The following KCNH8 variants were observed in gnomAD, a reference collection of about 807,000 sequenced individuals.
KCNH8 encodes the protein voltage-gated delayed rectifier potassium channel KCNH8.
KCNH8 carries 70 observed loss-of-function variants against 103.6 expected under a neutral mutation model. That is an observed-to-expected ratio of 0.68 (90% CI 0.56 to 0.82). KCNH8 has a LOEUF of 0.82. Among genes scored for constraint, KCNH8 ranks in the 40% least tolerant of loss-of-function variants. The pLI is 0.00. For synonymous variants in KCNH8, 498 were observed against 489.4 expected, an observed-to-expected ratio of 1.02 and a Z score of -0.23; for missense variants, 1,217 against 1,329.9, an observed-to-expected ratio of 0.92 and a Z score of 1.32.
chr3:19,534,314 T>C lies in KCNH8; in HGVS notation c.*215T>C, dbSNP rs2069228700. On this transcript the variant is annotated 3_prime_UTR_variant, in exon 16 of 16. Transcript: ENST00000328405. ...TAATAGAAACATTTTTCTGTACAGG[T>C]ATTAAACTACTGGTCTGTTTGACAG... 1 of 570,910 alleles carries C rather than the reference T, an allele frequency of 1.8e-6. No individual in the cohort carries two copies. The highest frequency in any genetic ancestry group is 2.9e-5 in the East Asian group (1 of 35,060). The allele number at this position is 570,910 out of a possible 1,614,324, so 35.4% of individuals were successfully genotyped here.
At chr3:19,503,461 A>G (rs943758465) in intron 11 of KCNH8, among the ~76,000 whole-genome samples, 2 of 152,186 alleles carry the variant, frequency 1.3e-5, no homozygotes, top group Non-Finnish European at 2.9e-5. Context: ...TCATGCTGCT[A>G]TAAAGACACA....
chr3:19,409,794 T>TTC, intron 7 of KCNH8, among the ~76,000 whole-genome samples: 1 of 152,100 alleles, frequency 6.6e-6, no homozygotes, highest in South Asian at 2.1e-4. Flanking sequence ...TACATAATGA[T>TTC]AAATTGTTCA....
intron 11 of KCNH8, among the ~76,000 whole-genome samples, chr3:19,507,653 G>A (rs928761068): frequency 5.9e-5 from 9 of 152,122 alleles, no homozygotes; most frequent in African/African-American, 2.2e-4. Flanking sequence ...TAGTTGTGTT[G>A]GAGTCCCAGG....
intron 11 of KCNH8, among the ~76,000 whole-genome samples, chr3:19,495,168 T>C (rs1425810888): frequency 6.6e-6 from 1 of 152,318 alleles, no homozygotes; most frequent in East Asian, 1.9e-4. Context: ...ACTCTGCTGA[T>C]AATTTCTTTT....
intron 2 of KCNH8, among the ~76,000 whole-genome samples, chr3:19,259,886 A>G (rs898255735): frequency 2.6e-4 from 39 of 151,896 alleles, no homozygotes; most frequent in East Asian, 1.6e-3. Flanking sequence ...GGGAACCTCT[A>G]TTTACAAGCT....
chr3:19,520,527 T>C (rs1187267558), intron 15 of KCNH8, among the ~76,000 whole-genome samples: 2 of 151,912 alleles, frequency 1.3e-5, no homozygotes, highest in Non-Finnish European at 2.9e-5. Flanking sequence ...ATTTTTCTCT[T>C]CCTCATCTTT....
intron 15 of KCNH8, among the ~76,000 whole-genome samples, chr3:19,532,047 C>T (rs1485872546): frequency 6.6e-6 from 1 of 152,116 alleles, no homozygotes; most frequent in East Asian, 1.9e-4. Context: ...ATATGTTTTC[C>T]TCAATTTGAA....
At chr3:19,352,713 C>A (rs1419836461) in intron 5 of KCNH8, among the ~76,000 whole-genome samples, 1 of 152,144 alleles carries the variant, frequency 6.6e-6, no homozygotes, top group African/African-American at 2.4e-5. Flanking sequence ...ATACCAGAAT[C>A]TCTGGGACAC....
At chr3:19,278,057 C>G (rs1470487304) in intron 2 of KCNH8, among the ~76,000 whole-genome samples, 1 of 152,014 alleles carries the variant, frequency 6.6e-6, no homozygotes, top group Admixed American at 6.6e-5. Context: ...GATCATTGTG[C>G]CCACAGGTAA....
chr3:19,393,469 G>A (rs545602751), intron 6 of KCNH8, among the ~76,000 whole-genome samples: 29 of 152,040 alleles, frequency 1.9e-4, no homozygotes, highest in East Asian at 1.9e-4. Flanking sequence ...TCCCCTTTCC[G>A]GTCAGAGAAA....
intron 11 of KCNH8, among the ~76,000 whole-genome samples, chr3:19,505,117 C>T (rs577577923): frequency 1.3e-5 from 2 of 151,606 alleles, no homozygotes; most frequent in Admixed American, 6.6e-5. Context: ...TGGAATACTA[C>T]ACCGCTGTAA....
intron 11 of KCNH8, among the ~76,000 whole-genome samples, chr3:19,487,556 C>T (rs2068236100): frequency 1.3e-5 from 2 of 152,120 alleles, no homozygotes; most frequent in Admixed American, 6.5e-5. Flanking sequence ...TTGGCTGGGC[C>T]CCAGGCTTAA....
At chr3:19,450,334 G>A in intron 9 of KCNH8, 29 bp downstream of exon 9, 1 of 1,562,944 alleles carries the variant, frequency 6.4e-7, no homozygotes, top group Non-Finnish European at 8.8e-7. Context: ...GTTGTTTTCA[G>A]GCAGAAAGCA....
chr3:19,452,707 A>G (rs1270773199), intron 10 of KCNH8, among the ~76,000 whole-genome samples: 1 of 152,186 alleles, frequency 6.6e-6, no homozygotes, highest in Admixed American at 6.6e-5. Context: ...TTGTATTTGT[A>G]AACAATTATT....
At chr3:19,255,081 C>T (rs1317235606) in intron 2 of KCNH8, among the ~76,000 whole-genome samples, 4 of 152,036 alleles carry the variant, frequency 2.6e-5, no homozygotes, top group African/African-American at 9.7e-5. Flanking sequence ...TCCAATATGA[C>T]TAGAGTCCTT....
chr3:19,408,434 A>G (rs1378133100), intron 7 of KCNH8, among the ~76,000 whole-genome samples: 2 of 152,170 alleles, frequency 1.3e-5, no homozygotes, highest in African/African-American at 2.4e-5. Context: ...AACCAAAACA[A>G]GAATGCTGGC....
intron 1 of KCNH8, among the ~76,000 whole-genome samples, chr3:19,212,654 G>A (rs952949336): frequency 6.6e-6 from 1 of 152,156 alleles, no homozygotes; most frequent in African/African-American, 2.4e-5. Flanking sequence ...TATCACAGAA[G>A]TACAGAAGTA....
Position 19,462,819 on chromosome 3 carries a change from T to C in KCNH8, c.2040+5837T>C, listed in dbSNP as rs184678064. On this transcript the variant is annotated intron_variant, in intron 11 of 15. Transcript: ENST00000328405. ...AATCCATCTTGAATTAATTTTTGTA[T>C]AAGGTGTAAGGAAGGGATCCAGTTT... 1.9e-3 allele frequency among the ~76,000 whole-genome samples: 288 copies of C among 152,288 alleles called. 2 individuals carry two copies. The highest frequency in any genetic ancestry group is 6.4e-3 in the African/African-American group (268 of 41,562).
At chr3:19,269,017 G>A (rs1011178167) in intron 2 of KCNH8, among the ~76,000 whole-genome samples, 2 of 152,068 alleles carry the variant, frequency 1.3e-5, no homozygotes, top group Non-Finnish European at 2.9e-5. Flanking sequence ...TTTATACTTC[G>A]TTGTGTGTAT....
Sources: gnomAD v4.1 joint callset for allele counts (sites outside exome capture counted in the v4.1 genomes callset) on GRCh38, gnomAD v4.1.1 for gene constraint, MANE v1.5 for transcripts, NCBI Gene and HGNC (gene_info 2026-07-23, HGNC 2026-07-21) for gene names.